Variants in OR3A2 observed in about 807,000 individuals in gnomAD.
The protein encoded by OR3A2 is olfactory receptor 3A2.
For missense variants in OR3A2, 318 were observed against 392.8 expected, an observed-to-expected ratio of 0.81 and a Z score of 1.61; for synonymous variants, 126 against 159.3, an observed-to-expected ratio of 0.79 and a Z score of 1.57.
intron 3 of OR3A2, chr17:3,290,972 A>G (rs958994339): frequency 6.6e-6 from 1 of 152,224 alleles, no homozygotes; most frequent in Non-Finnish European, 1.5e-5. Flanking sequence ...CATAAGATAT[A>G]TAATACATAT....
chr17:3,370,956 T>A (rs1344177665), intron 2 of OR3A2, among the ~76,000 whole-genome samples: 1 of 152,190 alleles, frequency 6.6e-6, no homozygotes, highest in South Asian at 2.1e-4. Flanking sequence ...GGGTCACAGA[T>A]CAACAGGATA....
At position 3,282,898 on chromosome 17, in the gene OR3A2, G is replaced by A. The variant is rs139846495; in HGVS notation, c.-7+1460C>T. 3.7e-3 allele frequency among the ~76,000 whole-genome samples: 568 copies of A among 152,200 alleles called. 5 individuals are homozygous for A. The highest frequency in any genetic ancestry group is 0.013 in the African/African-American group (543 of 41,508). On this transcript the variant is annotated intron_variant, in intron 1 of 1. Transcript: ENST00000642052. ...CCACCTGCAATGGTTTCCCTCCAAC[G>A]GCACATGCCCAGATATTTCACAACT...
intron 2 of OR3A2, among the ~76,000 whole-genome samples, chr17:3,378,542 G>A (rs1483717762): frequency 6.6e-6 from 1 of 152,074 alleles, no homozygotes; most frequent in Non-Finnish European, 1.5e-5. Context: ...GCCTAGGAGT[G>A]TGGGGCTCCT....
intron 2 of OR3A2, among the ~76,000 whole-genome samples, chr17:3,352,434 G>T (rs1001726876): frequency 6.6e-6 from 1 of 151,966 alleles, no homozygotes; most frequent in Non-Finnish European, 1.5e-5. Flanking sequence ...TTTTATTTAT[G>T]ATGAGAGACA....
intron 1 of OR3A2, among the ~76,000 whole-genome samples, chr17:3,279,585 G>A (rs1180136993): frequency 6.6e-6 from 1 of 152,232 alleles, no homozygotes; most frequent in Non-Finnish European, 1.5e-5. Context: ...TCTGAGATCA[G>A]GAGTTTGAGA....
intron 2 of OR3A2, among the ~76,000 whole-genome samples, chr17:3,349,019 T>C (rs559558361): frequency 8.0e-5 from 12 of 150,774 alleles, no homozygotes; most frequent in Admixed American, 4.0e-4. Flanking sequence ...ACTAAAAGAG[T>C]TCCTGAAGGA....
rs199555313 is a variant in OR3A2 at position 3,372,552 on chromosome 17, G to C, written c.-179+11252C>G. Among the ~76,000 whole-genome samples the C allele has an allele frequency of 3.8e-3, 583 of 151,528 alleles. 5 individuals carry two copies. Among genetic ancestry groups the C allele is most frequent in the African/African-American group, 0.013 (550 of 41,148 alleles). On this transcript the variant is annotated intron_variant, in intron 2 of 4. Coordinates refer to the OR3A2 transcript ENST00000573491. Reference sequence around the variant, plus strand: ...GGGCACCATTGAGCACTGAGTGAACGAGACTCCGTCTGCAATCCCGGCACC... The same window carrying C: ...GGGCACCATTGAGCACTGAGTGAACCAGACTCCGTCTGCAATCCCGGCACC...
At chr17:3,375,544 C>T (rs764268081) in intron 2 of OR3A2, among the ~76,000 whole-genome samples, 1 of 151,996 alleles carries the variant, frequency 6.6e-6, no homozygotes, top group African/African-American at 2.4e-5. Context: ...TCAAGTGATC[C>T]ACCCTCCTCA....
chr17:3,298,098 C>T (rs1018544401), intron 3 of OR3A2, among the ~76,000 whole-genome samples: 2 of 152,026 alleles, frequency 1.3e-5, no homozygotes, highest in Admixed American at 6.6e-5. Context: ...TTTGATAGAA[C>T]ATCTCAAAAG....
In OR3A2 at chr17:3,346,957, C is replaced by G. The variant is rs9902892; in HGVS notation, c.-178-10831G>C. Among the ~76,000 whole-genome samples the G allele has an allele frequency of 1.1e-4, 16 of 152,134 alleles. 1 individual carries two copies. In the South Asian group the frequency reaches 3.3e-3, roughly 31 times the overall value. ...TGTCTGTTGATGGACACTTAGGTTG[C>G]CTCCCAAAGCTTGGCTATTGTGCAC... On this transcript the variant is annotated intron_variant, in intron 2 of 4. Transcript: ENST00000573491.
intron 3 of OR3A2, among the ~76,000 whole-genome samples, chr17:3,315,327 C>T (rs544499505): frequency 1.3e-5 from 2 of 152,204 alleles, no homozygotes; most frequent in Non-Finnish European, 2.9e-5. Flanking sequence ...GTTCTCTTTT[C>T]TCTGCAGCCT....
intron 3 of OR3A2, chr17:3,292,605 A>G (rs1449078746): frequency 6.5e-7 from 1 of 1,548,922 alleles, no homozygotes; most frequent in Non-Finnish European, 8.8e-7. Flanking sequence ...AGAAACATCC[A>G]GGGAGGAAAA....
intron 2 of OR3A2, among the ~76,000 whole-genome samples, chr17:3,346,214 T>A (rs2049362611): frequency 6.6e-6 from 1 of 152,242 alleles, no homozygotes; most frequent in African/African-American, 2.4e-5. Flanking sequence ...TAAGGCTGAA[T>A]AGCATTCTGT....
intron 1 of OR3A2, among the ~76,000 whole-genome samples, chr17:3,280,843 T>A (rs921555025): frequency 6.6e-6 from 1 of 152,166 alleles, no homozygotes; most frequent in Admixed American, 6.5e-5. Flanking sequence ...AGGGGTGTGG[T>A]CACCAAAATG....
At chr17:3,315,774 T>C (rs2049078126) in intron 3 of OR3A2, among the ~76,000 whole-genome samples, 1 of 30,058 alleles carries the variant, frequency 3.3e-5, no homozygotes, top group South Asian at 1.4e-3. Flanking sequence ...GGTAGTAAGA[T>C]GAGTAGTAAG....
At chr17:3,308,044 C>A (rs577624600) in intron 3 of OR3A2, among the ~76,000 whole-genome samples, 2 of 152,272 alleles carry the variant, frequency 1.3e-5, no homozygotes, top group Non-Finnish European at 2.9e-5. Flanking sequence ...GCCGTTTCAC[C>A]AGTGCTCAAA....
chr17:3,361,925 C>A (rs993696412), intron 2 of OR3A2, among the ~76,000 whole-genome samples: 1 of 151,556 alleles, frequency 6.6e-6, no homozygotes, highest in African/African-American at 2.4e-5. Context: ...ATGATGCTGG[C>A]CTCATAAAAT....
chr17:3,293,795 T>C lies in OR3A2; in HGVS notation c.-84-14642A>G, dbSNP rs538513841. Reference sequence around the variant, plus strand: ...GCAGCCATGAAAAAGAATGAGATCATGTCCTTTGCAGGGATGTGGATGAAG... The same window carrying C: ...GCAGCCATGAAAAAGAATGAGATCACGTCCTTTGCAGGGATGTGGATGAAG... On this transcript the variant is annotated intron_variant, in intron 3 of 4. Transcript: ENST00000573491. 3.9e-4 allele frequency among the ~76,000 whole-genome samples: 60 copies of C among 152,286 alleles called. 3 individuals are homozygous for C. The South Asian group carries it at 0.012, about 31-fold the overall frequency.
At position 3,362,468 on chromosome 17, in the gene OR3A2, T is replaced by A. The variant is rs570516101; in HGVS notation, c.-179+21336A>T. On this transcript the variant is annotated intron_variant, in intron 2 of 4. Transcript: ENST00000573491. ...TTCTTGCCTTCTGCTAGCTTTTGAA[T>A]GTGTTTGCTCTTGCTTCTCTAGTTC... 3.3e-5 allele frequency among the ~76,000 whole-genome samples: 5 copies of A among 151,902 alleles called. No individual in the cohort carries two copies. The South Asian group carries it at 6.2e-4, about 19-fold the overall frequency.
Sources: gnomAD v4.1 joint callset for allele counts (sites outside exome capture counted in the v4.1 genomes callset) on GRCh38, gnomAD v4.1.1 for gene constraint, MANE v1.5 for transcripts, NCBI Gene and HGNC (gene_info 2026-07-23, HGNC 2026-07-21) for gene names.